CATSPER3: variants seen among roughly 807,000 people sequenced by gnomAD.
The protein encoded by CATSPER3 is cation channel sperm associated 3.
CATSPER3 carries 23 observed loss-of-function variants against 36.6 expected under a neutral mutation model. The observed-to-expected ratio is 0.63, with a 90% CI of 0.45 to 0.89. The LOEUF is 0.89. Among genes scored for constraint, CATSPER3 ranks in the 40% least tolerant of loss-of-function variants. The pLI, the probability that CATSPER3 is intolerant of heterozygous loss-of-function variation, is 0.00. For synonymous variants in CATSPER3, 172 were observed against 184.1 expected, an observed-to-expected ratio of 0.93 and a Z score of 0.53; for missense variants, 474 against 503.9, an observed-to-expected ratio of 0.94 and a Z score of 0.57.
intron 2 of CATSPER3, among the ~76,000 whole-genome samples, chr5:134,976,079 AGAG>A (rs551605289): frequency 8.1e-4 from 124 of 152,338 alleles, no homozygotes; most frequent in Admixed American, 1.7e-3. Flanking sequence ...GTTGACTCAT[AGAG>A]GTAGTATATT....
At chr5:134,992,762 G>A (rs894544656) in intron 2 of CATSPER3, among the ~76,000 whole-genome samples, 6 of 152,218 alleles carry the variant, frequency 3.9e-5, no homozygotes, top group African/African-American at 1.4e-4. Flanking sequence ...ACACTAACAA[G>A]TGTCGGTGAA....
At chr5:134,981,318 C>G (rs1324400782) in intron 2 of CATSPER3, among the ~76,000 whole-genome samples, 4 of 151,898 alleles carry the variant, frequency 2.6e-5, no homozygotes, top group Non-Finnish European at 5.9e-5. Flanking sequence ...TGGTGAAACC[C>G]TGTCTCTAAT....
At chr5:134,989,397 G>A (rs1751852713) in intron 2 of CATSPER3, among the ~76,000 whole-genome samples, 2 of 152,182 alleles carry the variant, frequency 1.3e-5, no homozygotes, top group Admixed American at 6.5e-5. Context: ...TCAGATATAA[G>A]TCTTTTTTAT....
At chr5:134,974,295 G>A (rs1360566925) in intron 2 of CATSPER3, among the ~76,000 whole-genome samples, 1 of 151,996 alleles carries the variant, frequency 6.6e-6, no homozygotes, top group Non-Finnish European at 1.5e-5. Flanking sequence ...AAAAGGAATG[G>A]GAGACTTAAA....
chr5:134,977,863 G>A (rs1242614328), intron 2 of CATSPER3, among the ~76,000 whole-genome samples: 1 of 152,184 alleles, frequency 6.6e-6, no homozygotes, highest in Non-Finnish European at 1.5e-5. Context: ...AGCTTACATG[G>A]TAGAGGGCAA....
chr5:134,978,161 G>C (rs926508073), intron 2 of CATSPER3, among the ~76,000 whole-genome samples: 3 of 152,184 alleles, frequency 2.0e-5, no homozygotes, highest in African/African-American at 7.2e-5. Context: ...GAAGAGCAGG[G>C]GGGAAGGAGA....
intron 3 of CATSPER3, among the ~76,000 whole-genome samples, chr5:134,998,719 T>G (rs1751983341): frequency 6.6e-6 from 1 of 152,250 alleles, no homozygotes; most frequent in Admixed American, 6.5e-5. Context: ...AAATGTCTTC[T>G]TTTGAGAGTG....
chr5:134,975,139 G>A (rs1368677518), intron 2 of CATSPER3: 1 of 152,078 alleles, frequency 6.6e-6, no homozygotes, highest in African/African-American at 2.4e-5. Flanking sequence ...AACTTACAGG[G>A]TGGTGGTACA....
chr5:134,981,040 CT>C (rs1751744403), intron 2 of CATSPER3, among the ~76,000 whole-genome samples: 1 of 152,134 alleles, frequency 6.6e-6, no homozygotes, highest in African/African-American at 2.4e-5. Context: ...CTCTTGCTCT[CT>C]TTTTCTTATT....
At chr5:134,988,656 C>T (rs1024940163) in intron 2 of CATSPER3, among the ~76,000 whole-genome samples, 2 of 152,190 alleles carry the variant, frequency 1.3e-5, no homozygotes, top group Non-Finnish European at 2.9e-5. Flanking sequence ...GTCACATCTT[C>T]AAGCTCCATT....
chr5:135,001,090 CT>C (rs986612275), intron 3 of CATSPER3, among the ~76,000 whole-genome samples: 1 of 152,170 alleles, frequency 6.6e-6, no homozygotes, highest in African/African-American at 2.4e-5. Context: ...GTACACACTG[CT>C]TTAAATGTGT....
intron 3 of CATSPER3, among the ~76,000 whole-genome samples, chr5:135,003,409 C>G (rs551379440): frequency 1.4e-4 from 22 of 152,358 alleles, no homozygotes; most frequent in Admixed American, 7.8e-4. Flanking sequence ...CAGGGACCCA[C>G]TTGAGGAGGC....
Position 134,988,859 on chromosome 5 carries a change from A to C in CATSPER3, c.253-7414A>C, listed in dbSNP as rs183354105. ...ATCTAGGATGGTGAATTCTTTCCAG[A>C]AGGTTTTCAATTTACTTTACCCAGA... On this transcript the variant is annotated intron_variant, in intron 2 of 7. Coordinates refer to ENST00000282611, the MANE Select transcript of CATSPER3 (RefSeq NM_178019.3). Among the ~76,000 whole-genome samples, 381 of 152,176 alleles carry C rather than the reference A, an allele frequency of 2.5e-3. 2 individuals are homozygous for C. Among genetic ancestry groups the C allele is most frequent in the Non-Finnish European group, 3.8e-3 (256 of 67,998 alleles).
intron 1 of CATSPER3, chr5:134,968,340 T>C: frequency 2.1e-6 from 1 of 466,698 alleles, no homozygotes; most frequent in Non-Finnish European, 3.9e-6. Flanking sequence ...TCTCTTTTTT[T>C]ATAATAGACC....
At chr5:134,993,107 A>G (rs1026622611) in intron 2 of CATSPER3, among the ~76,000 whole-genome samples, 1 of 152,236 alleles carries the variant, frequency 6.6e-6, no homozygotes, top group African/African-American at 2.4e-5. Context: ...TAAATCAGAA[A>G]CCAACACATG....
intron 3 of CATSPER3, among the ~76,000 whole-genome samples, chr5:135,007,684 G>A (rs1157568396): frequency 6.6e-6 from 1 of 152,254 alleles, no homozygotes; most frequent in African/African-American, 2.4e-5. Flanking sequence ...AGACCTGAGA[G>A]AATTGACTGA....
chr5:135,001,864 G>T (rs1445845860), intron 3 of CATSPER3, among the ~76,000 whole-genome samples: 1 of 152,094 alleles, frequency 6.6e-6, no homozygotes, highest in East Asian at 1.9e-4. Context: ...GTCTCTGCAC[G>T]TGAGATGGGT....
intron 2 of CATSPER3, among the ~76,000 whole-genome samples, chr5:134,978,125 T>C (rs1365288646): frequency 6.6e-6 from 1 of 152,158 alleles, no homozygotes; most frequent in East Asian, 1.9e-4. Flanking sequence ...AACCGTATTA[T>C]GTCAATAGTG....
intron 3 of CATSPER3, among the ~76,000 whole-genome samples, chr5:135,004,124 TC>T (rs1752055602): frequency 6.6e-6 from 1 of 152,096 alleles, no homozygotes; most frequent in South Asian, 2.1e-4. Context: ...TAAAGAGGGG[TC>T]CCCCACCCGC....
Sources: gnomAD v4.1 joint callset for allele counts (sites outside exome capture counted in the v4.1 genomes callset) on GRCh38, gnomAD v4.1.1 for gene constraint, MANE v1.5 for transcripts, NCBI Gene and HGNC (gene_info 2026-07-23, HGNC 2026-07-21) for gene names.